Variants in BMPER observed in about 807,000 individuals in gnomAD.
The protein encoded by BMPER is BMP binding endothelial regulator, also known as BMP-binding endothelial regulator protein.
Under a neutral mutation model 87.3 loss-of-function variants are expected in BMPER, and 45 were observed. That is an observed-to-expected ratio of 0.52 (90% CI 0.41 to 0.66). BMPER has a LOEUF of 0.66. Among genes scored for constraint, BMPER ranks in the 30% least tolerant of loss-of-function variants. BMPER has a pLI of 0.00. For synonymous variants in BMPER, 326 were observed against 316.2 expected (o/e 1.03, Z -0.33); for missense variants, 784 against 867.5 (o/e 0.90, Z 1.21).
At chr7:34,040,661 T>A (rs897402187) in intron 6 of BMPER, among the ~76,000 whole-genome samples, 3 of 152,192 alleles carry the variant, frequency 2.0e-5, no homozygotes, top group Admixed American at 6.5e-5. Flanking sequence ...CAAAAGCATG[T>A]TCTTTCAACT....
intron 13 of BMPER, among the ~76,000 whole-genome samples, chr7:34,105,662 A>G (rs796921481): frequency 1.2e-4 from 18 of 152,324 alleles, no homozygotes; most frequent in African/African-American, 3.8e-4. Flanking sequence ...TTAATGTACA[A>G]GTGTATATTT....
intron 2 of BMPER, among the ~76,000 whole-genome samples, chr7:33,932,055 A>G (rs1784492909): frequency 6.6e-6 from 1 of 152,170 alleles, no homozygotes; most frequent in Non-Finnish European, 1.5e-5. Context: ...AGCACTGAGT[A>G]TAGTGATACG....
In BMPER at chr7:34,031,943, C is replaced by CACACACAT. The variant is rs1419961368; in HGVS notation, c.577-14362_577-14361insCACACATA. ...ATATATATATACACACACACACACA[C>CACACACAT]ATATATATACACACACACATATATA... is the stretch of plus-strand genomic sequence containing the variant. On this transcript the variant is annotated intron_variant, in intron 6 of 14. Transcript: ENST00000649409. Among the ~76,000 whole-genome samples, 122 of 117,312 alleles carry CACACACAT rather than the reference C, an allele frequency of 1.0e-3. 1 individual carries two copies. Among genetic ancestry groups the CACACACAT allele is most frequent in the South Asian group, 2.5e-3 (9 of 3,618 alleles). The allele number at this position is 117,312 out of a possible 152,430, so 77.0% of individuals were successfully genotyped here.
rs371006153 is a variant in BMPER at position 34,084,699 on chromosome 7, A to G, written c.1409-1057A>G. ...ATCTTCACACACAGTGTCAGAGTGG[A>G]TATGACAGCATTTCTTCTTGACCTT... On this transcript the variant is annotated intron_variant, in intron 12 of 14. Transcript: ENST00000649409. Among the ~76,000 whole-genome samples the G allele has an allele frequency of 3.9e-5, 6 of 152,238 alleles. No homozygotes were observed. In the East Asian group the frequency reaches 7.7e-4, roughly 20 times the overall value.
chr7:33,905,751 G>T lies in BMPER; in HGVS notation c.133+5G>T. 6.2e-7 allele frequency: 1 copy of T among 1,610,418 alleles called. No individual in the cohort carries two copies. Among genetic ancestry groups the T allele is most frequent in the South Asian group, 1.1e-5 (1 of 91,012 alleles). Reference sequence around the variant, plus strand: ...TGGCTTCCTCCTTCTTGACAGGTAGGGGAGGGGGCGGGAGGGACCGGCCCT... The same window carrying T: ...TGGCTTCCTCCTTCTTGACAGGTAGTGGAGGGGGCGGGAGGGACCGGCCCT... On this transcript the variant is annotated splice_donor_5th_base_variant and intron_variant, in intron 1 of 14. Transcript: ENST00000649409.
At chr7:33,923,996 C>T (rs2128605357) in intron 2 of BMPER, among the ~76,000 whole-genome samples, 1 of 152,306 alleles carries the variant, frequency 6.6e-6, no homozygotes, top group Admixed American at 6.5e-5. Context: ...CACCTGCAGT[C>T]CAGCTGCATC....
rs1583488042 is a variant in BMPER, at chr7:34,153,415, T to C, written c.*142T>C. 1 of 792,880 alleles carries C rather than the reference T, an allele frequency of 1.3e-6. No individual in the cohort carries two copies. The highest frequency in any genetic ancestry group is 3.7e-4 in the Middle Eastern group (1 of 2,702). The allele number at this position is 792,880 out of a possible 1,614,324, so 49.1% of individuals were successfully genotyped here. ...ATATATGTGTATATATATATAGATATATTCAAAAACATTGCATCATTTATA... is the reference window on the plus strand; with the variant it reads ...ATATATGTGTATATATATATAGATACATTCAAAAACATTGCATCATTTATA... On this transcript the variant is annotated 3_prime_UTR_variant, in exon 15 of 15. Transcript: ENST00000649409.
At chr7:34,097,888 C>T (rs1334640834) in intron 13 of BMPER, among the ~76,000 whole-genome samples, 1 of 152,028 alleles carries the variant, frequency 6.6e-6, no homozygotes, top group East Asian at 1.9e-4. Flanking sequence ...AAGTAGGTCC[C>T]TGGTTAAAAG....
At chr7:33,939,390 A>G (rs1286070814) in intron 3 of BMPER, among the ~76,000 whole-genome samples, 1 of 152,152 alleles carries the variant, frequency 6.6e-6, no homozygotes, top group African/African-American at 2.4e-5. Flanking sequence ...GGACCCAAGA[A>G]CAGGCCAGTG....
chr7:33,952,163 A>C (rs77911781), intron 3 of BMPER, among the ~76,000 whole-genome samples: 1 of 152,190 alleles, frequency 6.6e-6, no homozygotes, highest in Middle Eastern at 3.2e-3. Flanking sequence ...AAGGTACCAT[A>C]ATTTTGATGT....
intron 3 of BMPER, among the ~76,000 whole-genome samples, chr7:33,964,198 A>G (rs577081090): frequency 7.6e-4 from 116 of 152,234 alleles, no homozygotes; most frequent in African/African-American, 2.7e-3. Flanking sequence ...TTCTTTAATT[A>G]TCTTTTTTTC....
At chr7:34,031,548 T>G (rs1353625996) in intron 6 of BMPER, among the ~76,000 whole-genome samples, 1 of 151,858 alleles carries the variant, frequency 6.6e-6, no homozygotes, top group Non-Finnish European at 1.5e-5. Context: ...AAAACACAAA[T>G]GTTCTCCTAA....
chr7:34,028,605 T>TTTTG (rs1227792203), intron 6 of BMPER, among the ~76,000 whole-genome samples: 5 of 109,490 alleles, frequency 4.6e-5, no homozygotes, highest in African/African-American at 8.3e-5. Context: ...TTTTCTGTTT[T>TTTTG]TTTTTTTTTT....
At chr7:33,971,634 C>T (rs1785549760) in intron 5 of BMPER, among the ~76,000 whole-genome samples, 1 of 152,070 alleles carries the variant, frequency 6.6e-6, no homozygotes, top group Non-Finnish European at 1.5e-5. Context: ...TATCTTTATT[C>T]AATGAGATCA....
intron 6 of BMPER, among the ~76,000 whole-genome samples, chr7:34,017,717 T>C (rs1787067730): frequency 6.6e-6 from 1 of 151,838 alleles, no homozygotes; most frequent in South Asian, 2.1e-4. Flanking sequence ...TGAGTCTCTG[T>C]TCAGTAGTTC....
rs189002871 is a variant in BMPER at position 33,966,432 on chromosome 7, C to T, written c.320-47C>T. On this transcript the variant is annotated intron_variant, in intron 3 of 14. Coordinates refer to ENST00000649409, the MANE Select transcript of BMPER (RefSeq NM_001365308.1). ...TTTGCTCCAAAAGGTAAAGGAAACC[C>T]ATACCCATTCTTGGCCTTTCTTCCT... The T allele has an allele frequency of 9.3e-6, 14 of 1,504,930 alleles. No individual in the cohort carries two copies. In the East Asian group the frequency reaches 2.9e-4, roughly 32 times the overall value. 93.2% of individuals were successfully genotyped at this position (1,504,930 alleles called of 1,614,324 possible).
chr7:34,080,642 C>T (rs1236772404), intron 12 of BMPER, among the ~76,000 whole-genome samples: 1 of 152,116 alleles, frequency 6.6e-6, no homozygotes, highest in Non-Finnish European at 1.5e-5. Context: ...TTTTTGGCTC[C>T]CTGTAAAATG....
chr7:33,965,128 T>A (rs1168002589), intron 3 of BMPER, among the ~76,000 whole-genome samples: 1 of 152,204 alleles, frequency 6.6e-6, no homozygotes, highest in African/African-American at 2.4e-5. Flanking sequence ...GTGCTAGGGG[T>A]TCCTGTGGTT....
At chr7:33,956,393 G>C (rs1785148022) in intron 3 of BMPER, among the ~76,000 whole-genome samples, 1 of 152,134 alleles carries the variant, frequency 6.6e-6, no homozygotes, top group African/African-American at 2.4e-5. Flanking sequence ...TTAGCTATCA[G>C]GAAAATGCAG....
Sources: gnomAD v4.1 joint callset for allele counts (sites outside exome capture counted in the v4.1 genomes callset) on GRCh38, gnomAD v4.1.1 for gene constraint, MANE v1.5 for transcripts, NCBI Gene and HGNC (gene_info 2026-07-23, HGNC 2026-07-21) for gene names.